Variants in PLEKHM1 observed in about 807,000 individuals in gnomAD.
PLEKHM1 encodes pleckstrin homology and RUN domain containing M1, also known as pleckstrin homology domain-containing family M member 1.
A neutral mutation model predicts 94.3 loss-of-function variants in PLEKHM1; 28 were observed. The observed-to-expected ratio is 0.30, with a 90% CI of 0.22 to 0.41. The LOEUF (loss-of-function observed/expected upper bound fraction) is 0.41. Ranked by LOEUF, PLEKHM1 falls within the 10% of genes least tolerant of loss-of-function variation. The pLI, the probability that PLEKHM1 is intolerant of heterozygous loss-of-function variation, is 1.00. For synonymous variants in PLEKHM1, 424 were observed against 581.2 expected (o/e 0.73, Z 3.89); for missense variants, 907 against 1,358.6 (o/e 0.67, Z 5.22).
chr17:45,458,159 G>A lies in PLEKHM1; in HGVS notation c.1579+10C>T, dbSNP rs1367984589. ...GATGGGACCCACCCGGGACCCTCCT[G>A]GTAACCTACCCATCTGTCTCCGGTG... On this transcript the variant is annotated intron_variant, in intron 6 of 11. Transcript: ENST00000430334. 2 of 1,612,620 alleles carry A rather than the reference G, an allele frequency of 1.2e-6. No homozygotes were observed. The highest frequency in any genetic ancestry group is 1.3e-5 in the African/African-American group (1 of 75,022).
Position 45,478,119 on chromosome 17 carries a change from A to G in PLEKHM1, c.77T>C (p.Val26Ala). Reference sequence around the variant, plus strand: ...CACGTACTGCTTCTGCAAGGCCTTCACGGATCCCACCAGCTTCTTCTTGAT... The same window carrying G: ...CACGTACTGCTTCTGCAAGGCCTTCGCGGATCCCACCAGCTTCTTCTTGAT... ...PVIKKKLVGSVKALQKQYVSL... is the reference protein window; with the variant it reads ...PVIKKKLVGSAKALQKQYVSL... Residue 26 changes from valine (V) to alanine (A), a missense_variant, in exon 3 of 12, where the codon GTG becomes GCG. This residue lies in a region of PLEKHM1 where 176 missense variants were observed against 306.0 expected (regional missense o/e 0.58). Transcript: ENST00000430334. The G allele has an allele frequency of 4.3e-6, 7 of 1,614,206 alleles. No homozygotes were observed. Among genetic ancestry groups the G allele is most frequent in the Non-Finnish European group, 5.9e-6 (7 of 1,180,038 alleles).
chr17:45,482,745 G>A (rs565089947), intron 1 of PLEKHM1, among the ~76,000 whole-genome samples: 174 of 152,300 alleles, frequency 1.1e-3, no homozygotes, highest in Admixed American at 2.7e-3. Flanking sequence ...AGTCCTGGGT[G>A]CCAGGGGTGG....
intron 3 of PLEKHM1, chr17:45,477,235 G>T: frequency 6.3e-6 from 1 of 159,986 alleles, no homozygotes; most frequent in Non-Finnish European, 1.4e-5. Context: ...AGGAGTTTGA[G>T]AGCAGCCTGA....
rs1197989202 is a variant in PLEKHM1 at position 45,468,546 on chromosome 17, T to C, written c.971A>G (p.Asn324Ser). Residue 324 changes from asparagine (N) to serine (S), a missense_variant, in exon 5 of 12, where the codon AAC (asparagine) becomes AGC (serine). By Grantham distance (46) the Asn-to-Ser change is conservative (BLOSUM62 1). Around this residue, in one of 3 missense-constraint regions of PLEKHM1, gnomAD observed 477 missense variants for 601.5 expected, o/e 0.79. Transcript: ENST00000430334. ...GATCTCTGTTTCTTGGCTCAGTCCGTTGGTTGGCACAGAGTTTACCTGGGC... is the reference window on the plus strand; with the variant it reads ...GATCTCTGTTTCTTGGCTCAGTCCGCTGGTTGGCACAGAGTTTACCTGGGC... ...SKAQVNSVPT[N>S]GLSQETEIPT... 6.2e-6 allele frequency: 10 copies of C among 1,614,054 alleles called. No individual in the cohort carries two copies. The highest frequency in any genetic ancestry group is 8.5e-6 in the Non-Finnish European group (10 of 1,180,040).
chr17:45,437,698 G>T lies in PLEKHM1; in HGVS notation c.*160C>A. 1 of 714,614 alleles carries T rather than the reference G, an allele frequency of 1.4e-6. No homozygotes were observed. Among genetic ancestry groups the T allele is most frequent in the South Asian group, 1.5e-5 (1 of 67,562 alleles). The allele number at this position is 714,614 out of a possible 1,614,324, so 44.3% of individuals were successfully genotyped here. A position where few individuals can be genotyped will look rare whatever the true frequency, so the allele number is the denominator to read the frequency against. On this transcript the variant is annotated 3_prime_UTR_variant, in exon 12 of 12. Transcript: ENST00000430334. This position sits in a 1 kb window ranked among gnomAD's most constrained non-coding sequence, Gnocchi z 4.0. ...AGGGGACACCACGGGGACTTCCTGG[G>T]CTTTCTCTGGGAGGCCGGTGCTCTG...
intron 7 of PLEKHM1, chr17:45,452,803 G>A (rs2050811437): frequency 5.9e-6 from 1 of 168,692 alleles, no homozygotes; most frequent in Admixed American, 5.4e-5. Context: ...AATTTAAATA[G>A]AAAATTCAGT....
chr17:45,434,791 G>A (rs1473630962), downstream of PLEKHM1, among the ~76,000 whole-genome samples: 1 of 151,970 alleles, frequency 6.6e-6, no homozygotes, highest in African/African-American at 2.4e-5. Flanking sequence ...GCTCTTGGGG[G>A]TTGGATTGGA....
intron 1 of PLEKHM1, among the ~76,000 whole-genome samples, chr17:45,484,797 C>T (rs1345875311): frequency 1.3e-5 from 2 of 151,998 alleles, no homozygotes; most frequent in Admixed American, 6.6e-5. Context: ...TGCAGGGGAA[C>T]ATTAAGGCCA....
At chr17:45,476,935 G>A (rs1422491107) in intron 3 of PLEKHM1, 1 of 152,250 alleles carries the variant, frequency 6.6e-6, no homozygotes, top group African/African-American at 2.4e-5. Context: ...GACAGAGTGA[G>A]ATAAGGGGGA....
At position 45,453,961 on chromosome 17, in the gene PLEKHM1, G is replaced by C; in HGVS notation, c.1891C>G (p.Gln631Glu). Reference sequence around the variant, plus strand: ...TGCACGTTCACCCACTCATCCTCCTGCTGAGGCCGGACCTTCTGCAGGGCC... The same window carrying C: ...TGCACGTTCACCCACTCATCCTCCTCCTGAGGCCGGACCTTCTGCAGGGCC... ...REALQKVRPQ[Q>E]EDEWVNVQYP... The change falls in exon 7 of 12, where the codon CAG becomes GAG. Residue 631 changes from glutamine (Q) to glutamate (E), a missense_variant. Physicochemically the swap from Gln to Glu is conservative, Grantham distance 29. Transcript: ENST00000430334. This position sits in a 1 kb window ranked among gnomAD's most constrained non-coding sequence, Gnocchi z 4.1. The C allele has an allele frequency of 6.2e-7, 1 of 1,613,926 alleles. No individual in the cohort carries two copies. Among genetic ancestry groups the C allele is most frequent in the Non-Finnish European group, 8.5e-7 (1 of 1,179,846 alleles).
intron 9 of PLEKHM1, among the ~76,000 whole-genome samples, chr17:45,442,620 G>C (rs952639360): frequency 6.6e-6 from 1 of 152,198 alleles, no homozygotes; most frequent in Non-Finnish European, 1.5e-5. Context: ...GGCCAGGCTG[G>C]TCTCAAAATC....
rs1288776804 is a variant in PLEKHM1 at position 45,444,073 on chromosome 17, C to G, written c.2837+1397G>C. Among the ~76,000 whole-genome samples, 1 of 152,192 alleles carries G rather than the reference C, an allele frequency of 6.6e-6. No individual in the cohort carries two copies. Among genetic ancestry groups the G allele is most frequent in the Admixed American group, 6.5e-5 (1 of 15,288 alleles). ...AGAGCCCCTGGGGACCTGCTCGAGG[C>G]ACACCCTGGCCCTGAGGAGGCCCGG... is the stretch of plus-strand genomic sequence containing the variant. On this transcript the variant is annotated intron_variant, in intron 9 of 11. Transcript: ENST00000430334. The surrounding 1 kb of genome is among the most constrained non-coding windows in gnomAD (Gnocchi z 5.0).
At chr17:45,469,781 T>C (rs1234218910) in intron 4 of PLEKHM1, among the ~76,000 whole-genome samples, 3 of 152,150 alleles carry the variant, frequency 2.0e-5, no homozygotes, top group African/African-American at 7.2e-5. Flanking sequence ...CATGTATAAG[T>C]AACTGATTTT....
chr17:45,480,726 C>T (rs62065438), intron 2 of PLEKHM1, among the ~76,000 whole-genome samples: 18,529 of 152,246 alleles, frequency 0.12, 1,545 homozygotes, highest in Middle Eastern at 0.21. Context: ...GCATATTTTC[C>T]ATCATGTTGT....
chr17:45,444,099 C>T lies in PLEKHM1; in HGVS notation c.2837+1371G>A, dbSNP rs1284425110. On this transcript the variant is annotated intron_variant, in intron 9 of 11. Coordinates refer to ENST00000430334, the MANE Select transcript of PLEKHM1 (RefSeq NM_014798.3). The surrounding 1 kb of genome is among the most constrained non-coding windows in gnomAD (Gnocchi z 5.0). ...ACACCCTGGCCCTGAGGAGGCCCGGCTCTGGGAGCACTGCAGCCAGGATGG... is the reference window on the plus strand; with the variant it reads ...ACACCCTGGCCCTGAGGAGGCCCGGTTCTGGGAGCACTGCAGCCAGGATGG... 6.6e-6 allele frequency among the ~76,000 whole-genome samples: 1 copy of T among 152,168 alleles called. No homozygotes were observed. Among genetic ancestry groups the T allele is most frequent in the African/African-American group, 2.4e-5 (1 of 41,436 alleles).
Position 45,436,931 on chromosome 17 carries a change from C to A in PLEKHM1, c.*927G>T. The A allele has an allele frequency of 2.2e-6, 1 of 448,394 alleles. No individual in the cohort carries two copies. Among genetic ancestry groups the A allele is most frequent in the Non-Finnish European group, 4.5e-6 (1 of 221,972 alleles). 27.8% of individuals were successfully genotyped at this position (448,394 alleles called of 1,614,324 possible). On this transcript the variant is annotated 3_prime_UTR_variant, in exon 12 of 12. Coordinates refer to ENST00000430334, the MANE Select transcript of PLEKHM1 (RefSeq NM_014798.3). ...GGGGTCAGTCAGGCAGAGAGTGTGA[C>A]CCCGGGCACCCACCAAGGTGGGCCT... is the stretch of plus-strand genomic sequence containing the variant.
rs867619299 is a variant in PLEKHM1 at position 45,478,255 on chromosome 17, C to T, written c.49-108G>A. The T allele has an allele frequency of 5.5e-6, 7 of 1,282,830 alleles. No individual in the cohort carries two copies. In the South Asian group the frequency reaches 7.2e-5, roughly 13 times the overall value. The allele number at this position is 1,282,830 out of a possible 1,614,324, so 79.5% of individuals were successfully genotyped here. A position where few individuals can be genotyped will look rare whatever the true frequency, so the allele number is the denominator to read the frequency against. ...AAATACGTGTGCAACCACATGCACA[C>T]ACATCTATGTGTGTGTCTGTAGATT... On this transcript the variant is annotated intron_variant, in intron 2 of 11. Coordinates refer to ENST00000430334, the MANE Select transcript of PLEKHM1 (RefSeq NM_014798.3).
chr17:45,485,412 A>G (rs1385399981), intron 1 of PLEKHM1, among the ~76,000 whole-genome samples: 6 of 151,986 alleles, frequency 3.9e-5, no homozygotes, highest in Admixed American at 2.0e-4. Context: ...CGAAGCCCCA[A>G]AGTTGCCCTT....
chr17:45,490,518 G>A (rs1373246453), intron 1 of PLEKHM1, 134 bp downstream of exon 1: 1 of 367,124 alleles, frequency 2.7e-6, no homozygotes, highest in Non-Finnish European at 5.5e-6. Flanking sequence ...CAGGGCTGAG[G>A]GCCCTGAAGC....
Sources: gnomAD v4.1 joint callset for allele counts (sites outside exome capture counted in the v4.1 genomes callset) on GRCh38, gnomAD v4.1.1 for gene constraint, gnomAD v4.1.1 regional missense constraint, Gnocchi (gnomAD v3.1) non-coding constraint, MANE v1.5 for transcripts, NCBI Gene and HGNC (gene_info 2026-07-23, HGNC 2026-07-21) for gene names.